The following UTRN variants were observed in gnomAD, a reference collection of about 807,000 sequenced individuals.
The protein encoded by UTRN is utrophin, also known as dystrophin-related protein 1.
UTRN carries 283 observed loss-of-function variants against 463.9 expected under a neutral mutation model. The ratio of observed to expected loss-of-function variants is 0.61; its 90% confidence interval spans 0.55 to 0.67. The LOEUF is 0.67. UTRN is among the 30% of genes least tolerant of loss of function. The pLI, the probability that UTRN is intolerant of heterozygous loss-of-function variation, is 0.00. For missense variants in UTRN, 3,922 were observed against 4,084.3 expected (o/e 0.96, Z 1.08); for synonymous variants, 1,442 against 1,431.5 (o/e 1.01, Z -0.17).
At chr6:144,576,698 T>C (rs919322965) in intron 50 of UTRN, among the ~76,000 whole-genome samples, 1 of 152,198 alleles carries the variant, frequency 6.6e-6, no homozygotes, top group Non-Finnish European at 1.5e-5. Context: ...CAACAAATAT[T>C]CGTATAGTCG....
At chr6:144,380,769 G>C (rs1357107993) in intron 2 of UTRN, among the ~76,000 whole-genome samples, 2 of 152,104 alleles carry the variant, frequency 1.3e-5, no homozygotes, top group Non-Finnish European at 2.9e-5. Context: ...CTATGATTGT[G>C]CCATTGCACT....
intron 16 of UTRN, 118 bp from the exon 17 acceptor site, chr6:144,448,482 T>C: frequency 1.7e-6 from 2 of 1,171,798 alleles, no homozygotes; most frequent in South Asian, 3.1e-5. Context: ...TATACAACTG[T>C]ATAAATGTGC....
intron 48 of UTRN, 45 bp from the exon 49 acceptor site, chr6:144,554,643 G>T (rs987110121): frequency 2.5e-6 from 4 of 1,599,394 alleles, no homozygotes; most frequent in Non-Finnish European, 3.4e-6. Context: ...TTCTCCTGAG[G>T]GTTACATGTT....
At chr6:144,681,163 G>T (rs917501207) in intron 52 of UTRN, among the ~76,000 whole-genome samples, 75 of 152,286 alleles carry the variant, frequency 4.9e-4, no homozygotes, top group Non-Finnish European at 1.6e-4. Context: ...ACACTGGTGA[G>T]ACATCCAGGA....
chr6:144,830,869 G>A (rs1780617247), intron 69 of UTRN, among the ~76,000 whole-genome samples: 1 of 152,126 alleles, frequency 6.6e-6, no homozygotes, highest in South Asian at 2.1e-4. Context: ...TCTCTGTCAG[G>A]TGGTGTACAA....
At chr6:144,820,824 T>C (rs1779538269) in intron 65 of UTRN, 58 bp from the exon 66 acceptor site, 5 of 1,561,426 alleles carry the variant, frequency 3.2e-6, no homozygotes, top group Admixed American at 3.8e-5. Context: ...GATTTTGTTA[T>C]AGATAGTTAT....
chr6:144,534,059 A>G (rs1371882961), intron 43 of UTRN, among the ~76,000 whole-genome samples: 2 of 152,090 alleles, frequency 1.3e-5, no homozygotes, highest in African/African-American at 4.8e-5. Context: ...ATAAGCTATC[A>G]TTTTGTGAAA....
At chr6:144,660,722 C>T (rs1779791200) in intron 51 of UTRN, among the ~76,000 whole-genome samples, 1 of 152,222 alleles carries the variant, frequency 6.6e-6, no homozygotes, top group African/African-American at 2.4e-5. Context: ...CTGTACAGCC[C>T]TCTGCCTGGG....
chr6:144,330,791 G>A, intron 2 of UTRN: 4 of 981,336 alleles, frequency 4.1e-6, no homozygotes, highest in Non-Finnish European at 4.8e-6. Context: ...CCGGGCAGTT[G>A]GGGAGGAACT....
chr6:144,672,937 A>G (rs971553703), intron 51 of UTRN, among the ~76,000 whole-genome samples: 7 of 152,160 alleles, frequency 4.6e-5, no homozygotes, highest in African/African-American at 1.7e-4. Context: ...CTGAAAGATC[A>G]TTCAGGAGCA....
chr6:144,412,810 A>G (rs1231400016), intron 3 of UTRN, among the ~76,000 whole-genome samples: 1 of 151,578 alleles, frequency 6.6e-6, no homozygotes, highest in Non-Finnish European at 1.5e-5. Flanking sequence ...TGGGACTGGT[A>G]ATTGAATTAA....
chr6:144,551,073 A>T lies in UTRN; in HGVS notation c.6919A>T (p.Thr2307Ser). ...CAGTTCAGATATGAGAACAGCAATT[A>T]CAGAAAAATGTAAGTTTTTTAAAAA... Reference protein sequence around the residue: ...ASSSDMRTAITEKLERVKNQW... With the variant: ...ASSSDMRTAISEKLERVKNQW... Residue 2307 changes from threonine (T) to serine (S), a missense_variant, in exon 48 of 75, where the codon ACA becomes TCA. Around this residue, in one of 3 missense-constraint regions of UTRN, gnomAD observed 1,309 missense variants for 1,452.6 expected, o/e 0.90. Transcript: ENST00000367545. 1 of 1,591,198 alleles carries T rather than the reference A, an allele frequency of 6.3e-7. No individual in the cohort carries two copies. Among genetic ancestry groups the T allele is most frequent in the Non-Finnish European group, 8.5e-7 (1 of 1,174,022 alleles).
chr6:144,770,131 C>A (rs1793839143), intron 58 of UTRN, among the ~76,000 whole-genome samples: 1 of 152,128 alleles, frequency 6.6e-6, no homozygotes, highest in Admixed American at 6.5e-5. Flanking sequence ...GGTAGAGGAG[C>A]CCGACAACTT....
chr6:144,571,089 C>G (rs1240075204), intron 50 of UTRN, among the ~76,000 whole-genome samples: 1 of 152,080 alleles, frequency 6.6e-6, no homozygotes, highest in Non-Finnish European at 1.5e-5. Context: ...TTTTTAATGA[C>G]TAAATTTTAT....
At chr6:144,680,059 TA>T (rs1782054385) in intron 52 of UTRN, among the ~76,000 whole-genome samples, 2 of 152,282 alleles carry the variant, frequency 1.3e-5, no homozygotes, top group African/African-American at 4.8e-5. Context: ...CCATTCCTCA[TA>T]AATATGAACA....
chr6:144,392,047 T>C (rs917020142), intron 2 of UTRN, among the ~76,000 whole-genome samples: 7 of 152,210 alleles, frequency 4.6e-5, no homozygotes, highest in African/African-American at 1.2e-4. Flanking sequence ...CTAGTCTGAA[T>C]TGAAATAATG....
At chr6:144,380,386 G>A (rs955236195) in intron 2 of UTRN, among the ~76,000 whole-genome samples, 3 of 152,146 alleles carry the variant, frequency 2.0e-5, no homozygotes, top group African/African-American at 7.2e-5. Flanking sequence ...GAGGGAAAAT[G>A]GGTGGTTTAA....
At chr6:144,740,673 T>C (rs972129489) in intron 54 of UTRN, among the ~76,000 whole-genome samples, 3 of 152,246 alleles carry the variant, frequency 2.0e-5, no homozygotes, top group African/African-American at 4.8e-5. Context: ...ATGAATATAA[T>C]GCATCTAGTC....
chr6:144,494,645 G>A lies in UTRN; in HGVS notation c.4593+1189G>A, dbSNP rs574199254. On this transcript the variant is annotated intron_variant, in intron 33 of 74. Coordinates refer to ENST00000367545, the MANE Select transcript of UTRN (RefSeq NM_007124.3). ...GTTTTGACAGGGCGCTGATTGGTGCGTTTACAATCCCTGAGCTAGACACAA... is the reference window on the plus strand; with the variant it reads ...GTTTTGACAGGGCGCTGATTGGTGCATTTACAATCCCTGAGCTAGACACAA... Among the ~76,000 whole-genome samples the A allele has an allele frequency of 1.4e-3, 215 of 152,260 alleles. 2 individuals are homozygous for A. The highest frequency in any genetic ancestry group is 4.8e-3 in the African/African-American group (201 of 41,560).
Sources: gnomAD v4.1 joint callset for allele counts (sites outside exome capture counted in the v4.1 genomes callset) on GRCh38, gnomAD v4.1.1 for gene constraint, gnomAD v4.1.1 regional missense constraint, MANE v1.5 for transcripts, NCBI Gene and HGNC (gene_info 2026-07-23, HGNC 2026-07-21) for gene names.